IFI16: variants seen among roughly 807,000 people sequenced by gnomAD.
IFI16 encodes the protein interferon gamma inducible protein 16, also known as gamma-interferon-inducible protein 16.
Under a neutral mutation model 68.4 loss-of-function variants are expected in IFI16, and 49 were observed. That is an observed-to-expected ratio of 0.72 (90% CI 0.57 to 0.91). The LOEUF is 0.91. Ranked by LOEUF, IFI16 falls within the 40% of genes least tolerant of loss-of-function variation. IFI16 has a pLI of 0.00. For synonymous variants in IFI16, 307 were observed against 315.0 expected, an observed-to-expected ratio of 0.97 and a Z score of 0.27; for missense variants, 878 against 942.9, an observed-to-expected ratio of 0.93 and a Z score of 0.90.
intron 6 of IFI16, among the ~76,000 whole-genome samples, chr1:159,029,827 C>T (rs1327240489): frequency 6.6e-6 from 1 of 151,902 alleles, no homozygotes; most frequent in Non-Finnish European, 1.5e-5. Context: ...ATTACAGGTG[C>T]CTGCCACCAC....
At position 159,009,922 on chromosome 1, in the gene IFI16, A is replaced by G. The variant is rs1652439534; in HGVS notation, c.-260A>G. ...TTCCTACTCCATTTTCTCTGGGGCA[A>G]TAGCAGAATAGGAGCAAGCCAGCAC... On this transcript the variant is annotated 5_prime_UTR_variant, in exon 1 of 12. Transcript: ENST00000295809. 1 of 152,196 alleles carries G rather than the reference A, an allele frequency of 6.6e-6. No individual in the cohort carries two copies. Among genetic ancestry groups the G allele is most frequent in the African/African-American group, 2.4e-5 (1 of 41,438 alleles). 9.4% of individuals were successfully genotyped at this position (152,196 alleles called of 1,614,324 possible). A position where few individuals can be genotyped will look rare whatever the true frequency, so the allele number is the denominator to read the frequency against.
intron 6 of IFI16, among the ~76,000 whole-genome samples, chr1:159,029,276 C>T (rs2106094): frequency 0.28 from 43,071 of 152,042 alleles, 8,211 homozygotes; most frequent in African/African-American, 0.54. Context: ...TACACATTCT[C>T]GGCTGATAAT....
intron 1 of IFI16, among the ~76,000 whole-genome samples, chr1:159,011,214 T>A (rs773856840): frequency 8.6e-5 from 13 of 152,020 alleles, no homozygotes; most frequent in Non-Finnish European, 1.3e-4. Flanking sequence ...CGAAACCCTG[T>A]CTCTATTAAA....
intron 3 of IFI16, 84 bp from the exon 4 acceptor site, chr1:159,016,449 A>G (rs1265934674): frequency 1.6e-6 from 2 of 1,256,250 alleles, no homozygotes; most frequent in East Asian, 2.5e-5. Context: ...CTTAGGAATA[A>G]TAAAACTACT....
At chr1:159,014,596 A>G in intron 1 of IFI16, 65 bp from the exon 2 acceptor site, 2 of 1,066,746 alleles carry the variant, frequency 1.9e-6, no homozygotes, top group Non-Finnish European at 2.7e-6. Context: ...TCACTCACAT[A>G]GGCATACATC....
intron 1 of IFI16, among the ~76,000 whole-genome samples, chr1:159,012,938 A>G (rs1652664980): frequency 6.6e-6 from 1 of 152,220 alleles, no homozygotes; most frequent in Non-Finnish European, 1.5e-5. Flanking sequence ...CATTATATAA[A>G]AATAACTCCA....
In IFI16 at chr1:159,020,534, G is replaced by T; in HGVS notation, c.1161+5G>T. ...GAAATGCATAGTTTTATCCAGGTAAGAATTAAATAGGCAAATATTAGTTTT... is the reference window on the plus strand; with the variant it reads ...GAAATGCATAGTTTTATCCAGGTAATAATTAAATAGGCAAATATTAGTTTT... On this transcript the variant is annotated splice_donor_5th_base_variant and intron_variant, in intron 6 of 11. Coordinates refer to ENST00000295809, the MANE Select transcript of IFI16 (RefSeq NM_001376587.1). 6.3e-7 allele frequency: 1 copy of T among 1,578,504 alleles called. No individual in the cohort carries two copies. The highest frequency in any genetic ancestry group is 1.1e-5 in the South Asian group (1 of 87,914).
Position 159,015,952 on chromosome 1 carries a change from A to G in IFI16, c.346A>G (p.Lys116Glu). The change falls in exon 3 of 12, where the codon AAA (lysine) becomes GAA (glutamate). Residue 116 changes from lysine (K) to glutamate (E), a missense_variant. This residue lies in a region of IFI16 where 443 missense variants were observed against 421.8 expected (regional missense o/e 1.05). Coordinates refer to ENST00000295809, the MANE Select transcript of IFI16 (RefSeq NM_001376587.1). The part of the protein sequence containing the change: ...SPAPSTSSTV[K>E]TEGAEATPGA... ...TGCACCCTCCACAAGCAGCACTGTC[A>G]AAACTGAAGGAGCAGAGGCAACTCC... 3 of 1,614,146 alleles carry G rather than the reference A, an allele frequency of 1.9e-6. No individual in the cohort carries two copies. Among genetic ancestry groups the G allele is most frequent in the East Asian group, 2.2e-5 (1 of 44,890 alleles).
At chr1:159,008,943 G>A (rs1229765941), upstream of IFI16, 1 of 152,090 alleles carries the variant, frequency 6.6e-6, no homozygotes, top group Non-Finnish European at 1.5e-5. Context: ...ACCACATCCT[G>A]CTTGCAGATC....
intron 10 of IFI16, chr1:159,053,179 C>T (rs992359824): frequency 5.9e-6 from 1 of 170,888 alleles, no homozygotes; most frequent in African/African-American, 2.4e-5. Context: ...ATTCTCTGCT[C>T]TTGGGCAGGT....
intron 6 of IFI16, among the ~76,000 whole-genome samples, chr1:159,031,249 C>G (rs56390355): frequency 0.11 from 16,844 of 152,168 alleles, 1,828 homozygotes; most frequent in African/African-American, 0.28. Flanking sequence ...TTGCTACCAG[C>G]CTCCCTGCTG....
At position 159,014,437 on chromosome 1, in the gene IFI16, A is replaced by T. The variant is rs576110892; in HGVS notation, c.-20-224A>T. Among the ~76,000 whole-genome samples, 9 of 147,662 alleles carry T rather than the reference A, an allele frequency of 6.1e-5. No individual in the cohort carries two copies. In the South Asian group the frequency reaches 2.0e-3, roughly 33 times the overall value. On this transcript the variant is annotated intron_variant, in intron 1 of 11. Transcript: ENST00000295809. ...TCTCAGACCTCCCTCTAACAACTGGACCCAACTCAACTATTCTCATTCAAT... is the reference window on the plus strand; with the variant it reads ...TCTCAGACCTCCCTCTAACAACTGGTCCCAACTCAACTATTCTCATTCAAT...
At chr1:159,041,581 C>A (rs1322931207) in intron 7 of IFI16, among the ~76,000 whole-genome samples, 1 of 152,140 alleles carries the variant, frequency 6.6e-6, no homozygotes, top group African/African-American at 2.4e-5. Flanking sequence ...AGTCATGCCC[C>A]CCTCATCACC....
intron 7 of IFI16, among the ~76,000 whole-genome samples, chr1:159,035,755 ATT>A (rs61109009): frequency 2.1e-4 from 31 of 150,636 alleles, no homozygotes; most frequent in East Asian, 9.7e-4. Flanking sequence ...CTTATCATTG[ATT>A]TTTTTTTTTC....
chr1:159,023,079 C>A lies in IFI16; in HGVS notation c.1161+2550C>A, dbSNP rs146209385. On this transcript the variant is annotated intron_variant, in intron 6 of 11. Transcript: ENST00000295809. The stretch of plus-strand genomic sequence containing the variant: ...TAACAGCCTACAAGAATAAGTACAC[C>A]AATAACAAGAGCAAACGAGGTGAGA... Among the ~76,000 whole-genome samples the A allele has an allele frequency of 3.8e-3, 572 of 152,134 alleles. 3 individuals are homozygous for A. Among genetic ancestry groups the A allele is most frequent in the Middle Eastern group, 6.8e-3 (2 of 294 alleles).
At chr1:159,000,741 T>C (rs1310851502) in intron 1 of IFI16, among the ~76,000 whole-genome samples, 1 of 152,192 alleles carries the variant, frequency 6.6e-6, no homozygotes, top group Non-Finnish European at 1.5e-5. Flanking sequence ...GATATTTATT[T>C]TCCCCAAATC....
intron 7 of IFI16, among the ~76,000 whole-genome samples, chr1:159,040,875 G>A (rs1654591334): frequency 6.6e-6 from 1 of 152,172 alleles, no homozygotes; most frequent in Non-Finnish European, 1.5e-5. Flanking sequence ...TCATAGTTTT[G>A]GAATAATGTT....
At position 159,029,743 on chromosome 1, in the gene IFI16, C is replaced by T. The variant is rs576348072; in HGVS notation, c.1162-2781C>T. ...TTGCCCAGGCTGGAGTGCAATGGGG[C>T]GATCTCGGAACACTGCAACCTCCAC... On this transcript the variant is annotated intron_variant, in intron 6 of 11. Coordinates refer to ENST00000295809, the MANE Select transcript of IFI16 (RefSeq NM_001376587.1). Among the ~76,000 whole-genome samples the T allele has an allele frequency of 1.7e-3, 248 of 147,992 alleles. 1 individual carries two copies. Among genetic ancestry groups the T allele is most frequent in the African/African-American group, 6.1e-3 (240 of 39,648 alleles).
At chr1:159,041,633 G>C (rs903943768) in intron 7 of IFI16, among the ~76,000 whole-genome samples, 1 of 152,138 alleles carries the variant, frequency 6.6e-6, no homozygotes, top group African/African-American at 2.4e-5. Context: ...AGTGGTCTCA[G>C]ATCAGCATAC....
Sources: gnomAD v4.1 joint callset for allele counts (sites outside exome capture counted in the v4.1 genomes callset) on GRCh38, gnomAD v4.1.1 for gene constraint, gnomAD v4.1.1 regional missense constraint, MANE v1.5 for transcripts, NCBI Gene and HGNC (gene_info 2026-07-23, HGNC 2026-07-21) for gene names.